Variants in SUGCT observed in about 807,000 individuals in gnomAD.
SUGCT encodes the protein succinyl-CoA:glutarate-CoA transferase.
A neutral mutation model predicts 55.0 loss-of-function variants in SUGCT; 41 were observed. The ratio of observed to expected loss-of-function variants is 0.74; its 90% confidence interval spans 0.58 to 0.97. SUGCT has a LOEUF of 0.97. Among genes scored for constraint, SUGCT ranks in the 50% least tolerant of loss-of-function variants. SUGCT has a pLI of 0.00. For missense variants in SUGCT, 568 were observed against 547.8 expected (o/e 1.04, Z -0.37); for synonymous variants, 187 against 200.4 (o/e 0.93, Z 0.56).
rs1783772671 is a variant in SUGCT, at chr7:40,363,818, G to C, written c.816+46963G>C. The stretch of plus-strand genomic sequence containing the variant: ...ATTTGGGGTGGAGAGTTCTGTAGAT[G>C]TCTATTAGGTCCGCTTGGTGCAGAG... On this transcript the variant is annotated intron_variant, in intron 9 of 13. Transcript: ENST00000335693. Among the ~76,000 whole-genome samples the C allele has an allele frequency of 2.6e-5, 4 of 152,258 alleles. No individual in the cohort carries two copies. In the South Asian group the frequency reaches 8.3e-4, roughly 32 times the overall value.
At chr7:40,893,935 C>T in the SUGCT span, among the ~76,000 whole-genome samples, 1 of 151,962 alleles carries the variant, frequency 6.6e-6, no homozygotes, top group Admixed American at 6.6e-5. Flanking sequence ...GTGGCAGGCA[C>T]CTGTAATTGC....
chr7:40,350,802 G>A (rs568445744), intron 9 of SUGCT, among the ~76,000 whole-genome samples: 3 of 140,228 alleles, frequency 2.1e-5, no homozygotes, highest in African/African-American at 8.2e-5. Context: ...CAACCCCCCC[G>A]ACAGGCCCCA....
intron 9 of SUGCT, among the ~76,000 whole-genome samples, chr7:40,448,143 C>T (rs976739469): frequency 8.6e-5 from 13 of 151,804 alleles, no homozygotes; most frequent in African/African-American, 2.9e-4. Context: ...AAAGAGTGCC[C>T]AAAAGATTAC....
At chr7:40,322,668 A>T (rs1381397367) in intron 9 of SUGCT, among the ~76,000 whole-genome samples, 2 of 152,196 alleles carry the variant, frequency 1.3e-5, no homozygotes, top group Non-Finnish European at 2.9e-5. Flanking sequence ...TTCCTTAAAA[A>T]GACTACCAGA....
chr7:40,358,102 A>C (rs1797966840), intron 9 of SUGCT, among the ~76,000 whole-genome samples: 1 of 152,240 alleles, frequency 6.6e-6, no homozygotes, highest in African/African-American at 2.4e-5. Context: ...TCTGGCACAT[A>C]ATAAACCTAA....
intron 6 of SUGCT, among the ~76,000 whole-genome samples, chr7:40,211,660 C>T (rs1327690955): frequency 1.3e-5 from 2 of 152,166 alleles, no homozygotes; most frequent in African/African-American, 4.8e-5. Flanking sequence ...ACGTGTGGCC[C>T]AGACACATCT....
chr7:40,878,330 T>C, the SUGCT span, among the ~76,000 whole-genome samples: 14 of 152,246 alleles, frequency 9.2e-5, no homozygotes, highest in Non-Finnish European at 1.8e-4. Context: ...TTTATCTCTA[T>C]TGAGCTGCAG....
intron 7 of SUGCT, among the ~76,000 whole-genome samples, chr7:40,250,291 T>G (rs1344843086): frequency 6.6e-6 from 1 of 151,936 alleles, no homozygotes; most frequent in Non-Finnish European, 1.5e-5. Flanking sequence ...TCCCAGCTAC[T>G]CTGGAGGCTA....
chr7:41,007,028 G>T, the SUGCT span, among the ~76,000 whole-genome samples: 1 of 151,908 alleles, frequency 6.6e-6, no homozygotes, highest in African/African-American at 2.4e-5. Context: ...TAAAGAAGAA[G>T]GGCCTCAGAG....
the SUGCT span, among the ~76,000 whole-genome samples, chr7:40,932,138 G>C: frequency 2.6e-5 from 4 of 152,126 alleles, no homozygotes; most frequent in African/African-American, 9.7e-5. Flanking sequence ...TGTTCTCACT[G>C]GTTTCAAAGA....
intron 11 of SUGCT, among the ~76,000 whole-genome samples, chr7:40,480,842 A>T (rs938990750): frequency 2.0e-5 from 3 of 152,098 alleles, no homozygotes; most frequent in Non-Finnish European, 4.4e-5. Context: ...AGAGGTAGTG[A>T]TCTATAGATT....
At chr7:40,184,321 C>G (rs1210324335) in intron 3 of SUGCT, among the ~76,000 whole-genome samples, 2 of 151,990 alleles carry the variant, frequency 1.3e-5, no homozygotes, top group African/African-American at 2.4e-5. Flanking sequence ...ACTCTGTCAT[C>G]CAGGCTGGAG....
chr7:40,577,681 ACT>A (rs1277791004), intron 12 of SUGCT, among the ~76,000 whole-genome samples: 1 of 151,578 alleles, frequency 6.6e-6, no homozygotes, highest in Non-Finnish European at 1.5e-5. Flanking sequence ...AAGTTTATAG[ACT>A]CTGCATTTTG....
intron 12 of SUGCT, among the ~76,000 whole-genome samples, chr7:40,583,879 C>T (rs920267168): frequency 1.3e-5 from 2 of 152,166 alleles, no homozygotes; most frequent in African/African-American, 4.8e-5. Flanking sequence ...GATGGTTAGT[C>T]TCTCGATACA....
chr7:40,486,028 TA>T (rs1455593279), intron 11 of SUGCT, among the ~76,000 whole-genome samples: 2 of 152,210 alleles, frequency 1.3e-5, no homozygotes, highest in Non-Finnish European at 2.9e-5. Flanking sequence ...GCTGGCCTTG[TA>T]AAATGAGTTT....
At chr7:40,150,261 G>A (rs1254853442) in intron 1 of SUGCT, among the ~76,000 whole-genome samples, 5 of 151,894 alleles carry the variant, frequency 3.3e-5, no homozygotes, top group Non-Finnish European at 7.4e-5. Context: ...TGTGGCCCCC[G>A]CCCAGGAACT....
At chr7:40,200,716 A>G (rs1470652935) in intron 6 of SUGCT, among the ~76,000 whole-genome samples, 2 of 152,148 alleles carry the variant, frequency 1.3e-5, no homozygotes, top group Middle Eastern at 3.2e-3. Context: ...CTTTAAAAGA[A>G]GTAGGATTTT....
intron 9 of SUGCT, among the ~76,000 whole-genome samples, chr7:40,377,147 T>A (rs1052883861): frequency 6.8e-5 from 1 of 14,620 alleles, no homozygotes; most frequent in Non-Finnish European, 3.1e-4. Context: ...TCTTTCTTTC[T>A]TTCTTTCTTT....
chr7:40,585,293 G>T (rs1350911197), intron 12 of SUGCT, among the ~76,000 whole-genome samples: 1 of 152,208 alleles, frequency 6.6e-6, no homozygotes, highest in Non-Finnish European at 1.5e-5. Flanking sequence ...TGATTCATGA[G>T]ACATATAGTG....
Sources: gnomAD v4.1 joint callset for allele counts (sites outside exome capture counted in the v4.1 genomes callset) on GRCh38, gnomAD v4.1.1 for gene constraint, MANE v1.5 for transcripts, NCBI Gene and HGNC (gene_info 2026-07-23, HGNC 2026-07-21) for gene names.